AGBL4: variants seen among roughly 807,000 people sequenced by gnomAD.
AGBL4 encodes cytosolic carboxypeptidase 6.
Under a neutral mutation model 66.4 loss-of-function variants are expected in AGBL4, and 58 were observed. The ratio of observed to expected loss-of-function variants is 0.87; its 90% CI spans 0.71 to 1.09. The LOEUF is 1.09. Among genes scored for constraint, AGBL4 ranks in the 50% least tolerant of loss-of-function variants. The pLI is 0.00. For synonymous variants in AGBL4, 234 were observed against 222.9 expected (o/e 1.05, Z -0.44); for missense variants, 579 against 631.0 (o/e 0.92, Z 0.88).
At chr1:48,575,500 T>A (rs1365475340) in intron 11 of AGBL4, among the ~76,000 whole-genome samples, 1 of 152,154 alleles carries the variant, frequency 6.6e-6, no homozygotes, top group African/African-American at 2.4e-5. Context: ...AGCACTGGTG[T>A]GGTTGTGGGT....
At chr1:49,728,841 A>G (rs576053208) in intron 2 of AGBL4, among the ~76,000 whole-genome samples, 1 of 152,346 alleles carries the variant, frequency 6.6e-6, no homozygotes, top group African/African-American at 2.4e-5. Context: ...AGGAGTCTTC[A>G]AAGGGCAGGC....
chr1:49,291,017 G>T (rs1045208284), intron 3 of AGBL4, among the ~76,000 whole-genome samples: 20 of 152,048 alleles, frequency 1.3e-4, no homozygotes, highest in African/African-American at 4.8e-4. Flanking sequence ...AGTATTACAG[G>T]ACATGAAACC....
chr1:49,614,409 T>G (rs774243392), intron 3 of AGBL4, among the ~76,000 whole-genome samples: 8 of 152,212 alleles, frequency 5.3e-5, no homozygotes, highest in Non-Finnish European at 1.0e-4. Context: ...CTCAATGCTG[T>G]ATGGTATTCC....
intron 3 of AGBL4, among the ~76,000 whole-genome samples, chr1:49,577,387 G>A (rs534885931): frequency 6.6e-6 from 1 of 152,304 alleles, no homozygotes; most frequent in South Asian, 2.1e-4. Context: ...GGCTGACCTG[G>A]CTATGGCCAC....
At chr1:49,933,722 T>A (rs6676877) in intron 1 of AGBL4, among the ~76,000 whole-genome samples, 1 of 152,024 alleles carries the variant, frequency 6.6e-6, no homozygotes, top group Admixed American at 6.6e-5. Flanking sequence ...CAAACTATTG[T>A]AACTACAGAA....
At chr1:49,866,253 AG>A (rs1170472855) in intron 1 of AGBL4, among the ~76,000 whole-genome samples, 2 of 152,138 alleles carry the variant, frequency 1.3e-5, no homozygotes, top group Non-Finnish European at 2.9e-5. Context: ...CAGAAAATAC[AG>A]GGAGCCCCAG....
At chr1:49,847,530 T>C (rs573200701) in intron 2 of AGBL4, among the ~76,000 whole-genome samples, 1 of 152,010 alleles carries the variant, frequency 6.6e-6, no homozygotes. Context: ...GGGACTAATA[T>C]CCAAATTTTA....
intron 3 of AGBL4, among the ~76,000 whole-genome samples, chr1:49,309,349 T>C (rs1644904695): frequency 6.6e-6 from 1 of 152,106 alleles, no homozygotes; most frequent in Admixed American, 6.6e-5. Context: ...AATGCATACT[T>C]GCAGATGTAC....
intron 6 of AGBL4, among the ~76,000 whole-genome samples, chr1:48,777,339 G>A (rs1409560260): frequency 4.6e-5 from 7 of 152,018 alleles, no homozygotes; most frequent in African/African-American, 1.7e-4. Flanking sequence ...GGATAGGGGT[G>A]GGGGCAATCT....
chr1:49,342,928 C>T (rs1283184738), intron 3 of AGBL4, among the ~76,000 whole-genome samples: 1 of 152,096 alleles, frequency 6.6e-6, no homozygotes, highest in Non-Finnish European at 1.5e-5. Flanking sequence ...GGAAGGTTAC[C>T]TTTGGTAAAG....
intron 3 of AGBL4, among the ~76,000 whole-genome samples, chr1:49,653,384 A>G (rs1646049208): frequency 6.6e-6 from 1 of 152,140 alleles, no homozygotes; most frequent in Non-Finnish European, 1.5e-5. Flanking sequence ...AAAAATGCTG[A>G]AAACTCAAAA....
intron 11 of AGBL4, among the ~76,000 whole-genome samples, chr1:48,574,960 C>A (rs2148322661): frequency 1.3e-5 from 2 of 152,270 alleles, no homozygotes; most frequent in African/African-American, 4.8e-5. Context: ...CCTGTGGCCC[C>A]AGGGGTCACA....
intron 1 of AGBL4, among the ~76,000 whole-genome samples, chr1:49,955,656 T>C (rs1656537341): frequency 6.6e-6 from 1 of 151,930 alleles, no homozygotes; most frequent in Non-Finnish European, 1.5e-5. Flanking sequence ...CTCCATTTCT[T>C]AATGAAGTCC....
At chr1:49,325,770 T>C (rs1433822613) in intron 3 of AGBL4, among the ~76,000 whole-genome samples, 1 of 152,242 alleles carries the variant, frequency 6.6e-6, no homozygotes, top group Non-Finnish European at 1.5e-5. Flanking sequence ...ATCATGGGGA[T>C]GGATTTCTCA....
Position 49,040,523 on chromosome 1 carries a change from CATA to C in AGBL4, c.594+5058_594+5060del, listed in dbSNP as rs1221502510. On this transcript the variant is annotated intron_variant, in intron 5 of 13. Coordinates refer to ENST00000371839, the MANE Select transcript of AGBL4 (RefSeq NM_032785.4). The stretch of plus-strand genomic sequence containing the variant: ...CATGAATGATCATAGCAGCATTATT[CATA>C]ATAAGTCCAAACCGAAATCCATCCA... Among the ~76,000 whole-genome samples, 5 of 152,058 alleles carry C rather than the reference CATA, an allele frequency of 3.3e-5. No individual in the cohort carries two copies. In the East Asian group the frequency reaches 7.7e-4, roughly 23 times the overall value.
chr1:49,264,994 A>G (rs1653581991), intron 3 of AGBL4, among the ~76,000 whole-genome samples: 1 of 152,148 alleles, frequency 6.6e-6, no homozygotes, highest in East Asian at 1.9e-4. Flanking sequence ...TTCTTTCATA[A>G]TTCATTTTGT....
intron 3 of AGBL4, among the ~76,000 whole-genome samples, chr1:49,530,259 T>TAAAAAAAAAAAACAAAAA (rs1553221111): frequency 1.3e-5 from 1 of 75,992 alleles, no homozygotes; most frequent in East Asian, 2.5e-4. Context: ...GTAGAATTTG[T>TAAAAAAAAAAAACAAAAA]AAAAAAAAAA....
intron 6 of AGBL4, among the ~76,000 whole-genome samples, chr1:48,841,822 T>C (rs1340249942): frequency 6.6e-6 from 1 of 152,162 alleles, no homozygotes; most frequent in Non-Finnish European, 1.5e-5. Flanking sequence ...TCTTTAAATA[T>C]TAAAAAAATC....
chr1:48,867,182 C>T lies in AGBL4; in HGVS notation c.634+9G>A. On this transcript the variant is annotated intron_variant, in intron 6 of 13. Transcript: ENST00000371839. ...GAAAAGCAAAGGCAGAAGGGCCACG[C>T]CTACTCACCAGGGCTGGTTATCGTC... 1 of 1,613,426 alleles carries T rather than the reference C, an allele frequency of 6.2e-7. No homozygotes were observed. Among genetic ancestry groups the T allele is most frequent in the Non-Finnish European group, 8.5e-7 (1 of 1,179,674 alleles).
Sources: allele counts gnomAD v4.1 joint callset (sites outside exome capture counted in the v4.1 genomes callset), GRCh38; gene constraint gnomAD v4.1.1; transcripts MANE v1.5; gene names NCBI Gene and HGNC (gene_info 2026-07-23, HGNC 2026-07-21).